Variants in CDC25C observed in about 807,000 individuals in gnomAD.
The protein encoded by CDC25C is M-phase inducer phosphatase 3.
CDC25C carries 48 observed loss-of-function variants against 52.5 expected under a neutral mutation model. That is an observed-to-expected ratio of 0.91 (90% CI 0.72 to 1.16). The LOEUF (loss-of-function observed/expected upper bound fraction) is 1.16, where lower values mean the gene tolerates loss of function less well. Ranked by LOEUF, CDC25C falls within the 50% of genes most tolerant of loss-of-function variation. The probability of loss-of-function intolerance (pLI) is 0.00; values close to 1 mark genes in which losing one functional copy is unlikely to be tolerated. For synonymous variants in CDC25C, 187 were observed against 206.5 expected (o/e 0.91, Z 0.81); for missense variants, 510 against 566.1 (o/e 0.90, Z 1.01).
chr5:138,316,864 C>T (rs1412466289), intron 7 of CDC25C, among the ~76,000 whole-genome samples: 1 of 152,158 alleles, frequency 6.6e-6, no homozygotes, highest in Non-Finnish European at 1.5e-5. Flanking sequence ...CTGTGGGTCT[C>T]CTCTGAGCTG....
intron 7 of CDC25C, among the ~76,000 whole-genome samples, chr5:138,318,005 T>C (rs1452846329): frequency 1.3e-5 from 2 of 152,128 alleles, no homozygotes; most frequent in Non-Finnish European, 2.9e-5. Flanking sequence ...AGTGACCTGA[T>C]AACCTATCAG....
At chr5:138,304,338 T>C (rs1050480488) in intron 7 of CDC25C, among the ~76,000 whole-genome samples, 6 of 123,318 alleles carry the variant, frequency 4.9e-5, no homozygotes, top group Non-Finnish European at 1.2e-4. Context: ...TGGCTTTTTT[T>C]TTTTTTTTTT....
chr5:138,323,835 G>A (rs1254892906), intron 6 of CDC25C, among the ~76,000 whole-genome samples: 1 of 151,750 alleles, frequency 6.6e-6, no homozygotes, highest in Non-Finnish European at 1.5e-5. Context: ...CCACACGCCT[G>A]TAGTCCCAGC....
At chr5:138,321,591 A>C (rs1759391767) in intron 6 of CDC25C, among the ~76,000 whole-genome samples, 1 of 151,762 alleles carries the variant, frequency 6.6e-6, no homozygotes, top group Admixed American at 6.6e-5. Flanking sequence ...GTCTCTACTA[A>C]AATACAAAAA....
Position 138,285,855 on chromosome 5 carries a change from A to C in CDC25C, c.1273-14T>G, listed in dbSNP as rs1486377804. The C allele has an allele frequency of 1.9e-6, 3 of 1,613,916 alleles. No individual in the cohort carries two copies. The East Asian group carries it at 6.7e-5, about 36-fold the overall frequency. ...TTCACACAGTTCCTGAAAGGTAAGG[A>C]ACAGAGTAAGGGATTCTCTAGACTC... On this transcript the variant is annotated splice_polypyrimidine_tract_variant and intron_variant, in intron 13 of 13. Coordinates refer to ENST00000323760, the MANE Select transcript of CDC25C (RefSeq NM_001790.5).
intron 10 of CDC25C, among the ~76,000 whole-genome samples, chr5:138,287,651 G>A (rs1235981628): frequency 6.6e-6 from 1 of 152,186 alleles, no homozygotes; most frequent in African/African-American, 2.4e-5. Context: ...CAAAAAGGAA[G>A]AAAGTAAGTC....
chr5:138,312,429 A>G (rs748362090), intron 7 of CDC25C, among the ~76,000 whole-genome samples: 33 of 152,252 alleles, frequency 2.2e-4, no homozygotes, highest in Non-Finnish European at 4.4e-4. Flanking sequence ...CAATTTTTAT[A>G]GCAACAATAT....
intron 7 of CDC25C, among the ~76,000 whole-genome samples, chr5:138,295,170 T>C (rs1487037969): frequency 6.6e-6 from 1 of 152,242 alleles, no homozygotes; most frequent in Admixed American, 6.6e-5. Flanking sequence ...ATAGGTCTAT[T>C]TCTCAAATCT....
chr5:138,338,125 G>A, exon 1 of CDC25C: 1 of 1,289,832 alleles, frequency 7.8e-7, no homozygotes, highest in Non-Finnish European at 1.0e-6. Context: ...GACACTTTGA[G>A]AGAGACACGA....
intron 8 of CDC25C, 64 bp from the exon 9 acceptor site, chr5:138,290,804 A>G: frequency 1.0e-6 from 1 of 992,994 alleles, no homozygotes; most frequent in South Asian, 1.3e-5. Context: ...AAACCAGTGG[A>G]TGGAGTGGGC....
Position 138,285,702 on chromosome 5 carries a change from A to C in CDC25C, c.1412T>G (p.Met471Arg). ...REQIALLVKD[M>R]SP is the part of the protein sequence containing the mutation. ...GTGGCTGGAATGTTATCATGGGCTCATGTCCTTCACCAGAAGGGCAATCTG... is the reference window on the plus strand; with the variant it reads ...GTGGCTGGAATGTTATCATGGGCTCCTGTCCTTCACCAGAAGGGCAATCTG... Residue 471 changes from methionine to arginine, a missense_variant, in exon 14 of 14, where the codon ATG (methionine) becomes AGG (arginine). Transcript: ENST00000323760. 1.2e-6 allele frequency: 2 copies of C among 1,613,940 alleles called. No homozygotes were observed. The highest frequency in any genetic ancestry group is 8.5e-7 in the Non-Finnish European group (1 of 1,179,936).
chr5:138,310,361 T>C (rs1758352956), intron 7 of CDC25C, among the ~76,000 whole-genome samples: 1 of 152,180 alleles, frequency 6.6e-6, no homozygotes, highest in Non-Finnish European at 1.5e-5. Flanking sequence ...TTTTAGTAAT[T>C]CCACAGTCTC....
At chr5:138,296,757 C>T (rs1171078422) in intron 7 of CDC25C, among the ~76,000 whole-genome samples, 1 of 151,214 alleles carries the variant, frequency 6.6e-6, no homozygotes, top group African/African-American at 2.4e-5. Flanking sequence ...AGGCGCCCGC[C>T]ACCGCACACA....
intron 4 of CDC25C, among the ~76,000 whole-genome samples, chr5:138,328,055 C>T (rs1382133234): frequency 3.3e-5 from 5 of 152,192 alleles, no homozygotes; most frequent in South Asian, 2.1e-4. Flanking sequence ...TTAGTAGAGA[C>T]GGGGTTTCAC....
chr5:138,291,252 G>T (rs983275170), intron 8 of CDC25C, among the ~76,000 whole-genome samples: 3 of 151,806 alleles, frequency 2.0e-5, no homozygotes, highest in African/African-American at 7.3e-5. Context: ...AAAGGACAAA[G>T]GCTAAGTTTT....
rs372879366 is a variant in CDC25C, at chr5:138,310,994, C to A, written c.615+8225G>T. On this transcript the variant is annotated intron_variant, in intron 7 of 13. Coordinates refer to ENST00000323760, the MANE Select transcript of CDC25C (RefSeq NM_001790.5). ...CTGGCATAAAGACAGACATATAGAC[C>A]AATGGAATGGAACACAGCCAAGAAA... Among the ~76,000 whole-genome samples the A allele has an allele frequency of 4.6e-5, 7 of 152,274 alleles. No homozygotes were observed. In the East Asian group the frequency reaches 7.7e-4, roughly 17 times the overall value.
intron 7 of CDC25C, among the ~76,000 whole-genome samples, chr5:138,298,798 A>T (rs964191156): frequency 6.6e-6 from 1 of 152,088 alleles, no homozygotes; most frequent in African/African-American, 2.4e-5. Context: ...GCCTCAATAA[A>T]TTTAAAAGGA....
rs1324079853 is a variant in CDC25C at position 138,289,500 on chromosome 5, C to T, written c.927+1G>A. 6.2e-7 allele frequency: 1 copy of T among 1,610,462 alleles called. No homozygotes were observed. Among genetic ancestry groups the T allele is most frequent in the African/African-American group, 1.3e-5 (1 of 74,846 alleles). On this transcript the variant is annotated splice_donor_variant, in intron 10 of 13. Coordinates refer to ENST00000323760, the MANE Select transcript of CDC25C (RefSeq NM_001790.5). LOFTEE classifies it high-confidence loss of function. ...GTTACCATCTCCAGAAATCTGCTTACTGTTTCTGGGTTGACATACTTCAGA... is the reference window on the plus strand; with the variant it reads ...GTTACCATCTCCAGAAATCTGCTTATTGTTTCTGGGTTGACATACTTCAGA...
intron 8 of CDC25C, 99 bp from the exon 9 acceptor site, chr5:138,290,839 T>C (rs2126656453): frequency 4.0e-6 from 3 of 745,118 alleles, no homozygotes; most frequent in Middle Eastern, 2.6e-4. Flanking sequence ...TCTGTAATCC[T>C]AGCTACATGG....
Sources: allele counts gnomAD v4.1 joint callset (sites outside exome capture counted in the v4.1 genomes callset), GRCh38; gene constraint gnomAD v4.1.1; transcripts MANE v1.5; gene names NCBI Gene and HGNC (gene_info 2026-07-23, HGNC 2026-07-21).